CTNND2: variants seen among roughly 807,000 people sequenced by gnomAD.
CTNND2 encodes the protein catenin delta-2.
Under a neutral mutation model 144.4 loss-of-function variants are expected in CTNND2, and 22 were observed. The ratio of observed to expected loss-of-function variants is 0.15; its 90% CI spans 0.11 to 0.22. The LOEUF (loss-of-function observed/expected upper bound fraction) is 0.22. CTNND2 is among the 10% of genes least tolerant of loss of function. CTNND2 has a pLI of 1.00. For missense variants in CTNND2, 1,353 were observed against 1,618.8 expected (o/e 0.84, Z 2.82); for synonymous variants, 751 against 695.6 (o/e 1.08, Z -1.25).
intron 9 of CTNND2, among the ~76,000 whole-genome samples, chr5:11,286,175 C>T (rs924407619): frequency 6.6e-6 from 1 of 151,814 alleles, no homozygotes; most frequent in Non-Finnish European, 1.5e-5. Context: ...ATACTATGAA[C>T]TTCATATAAG....
intron 1 of CTNND2, among the ~76,000 whole-genome samples, chr5:11,839,161 G>A (rs188632254): frequency 2.0e-3 from 310 of 151,780 alleles, no homozygotes; most frequent in Non-Finnish European, 3.5e-3. Flanking sequence ...TAAGGACAGT[G>A]GTACAGATGG....
intron 18 of CTNND2, among the ~76,000 whole-genome samples, chr5:10,994,333 C>CGGGGGCCGGGGAAGGAGGAG (rs1739067630): frequency 5.5e-5 from 1 of 18,296 alleles, no homozygotes; most frequent in African/African-American, 2.5e-4. Flanking sequence ...GATGGAGGAG[C>CGGGGGCCGGGGAAGGAGGAG]GGGGGCCGGG....
chr5:11,490,986 TC>T (rs1432355647), intron 3 of CTNND2, among the ~76,000 whole-genome samples: 1 of 152,018 alleles, frequency 6.6e-6, no homozygotes, highest in African/African-American at 2.4e-5. Context: ...AGACCTTGTC[TC>T]AAAAAATAAA....
At chr5:11,525,400 TA>T (rs542232955) in intron 3 of CTNND2, among the ~76,000 whole-genome samples, 17 of 149,304 alleles carry the variant, frequency 1.1e-4, no homozygotes, top group South Asian at 2.1e-4. Flanking sequence ...ATTTTCAAAT[TA>T]AAAAAAAAAC....
rs79918030 is a variant in CTNND2, at chr5:11,485,996, G to C, written c.288-73927C>G. 3.9e-5 allele frequency among the ~76,000 whole-genome samples: 6 copies of C among 152,142 alleles called. No individual in the cohort carries two copies. The East Asian group carries it at 1.2e-3, about 29-fold the overall frequency. On this transcript the variant is annotated intron_variant, in intron 3 of 21. Coordinates refer to ENST00000304623, the MANE Select transcript of CTNND2 (RefSeq NM_001332.4). ...TTTGCAAAGTATATAATGAAGAGTT[G>C]ATAAAACATGGTATAAGAAGCCCTA...
intron 18 of CTNND2, among the ~76,000 whole-genome samples, chr5:10,996,622 C>T (rs1312603137): frequency 3.9e-5 from 6 of 152,050 alleles, no homozygotes; most frequent in African/African-American, 1.2e-4. Flanking sequence ...TCTTTTGAGA[C>T]AGAGTCTCGC....
chr5:11,526,619 T>C lies in CTNND2; in HGVS notation c.287+38325A>G, dbSNP rs79622203. On this transcript the variant is annotated intron_variant, in intron 3 of 21. Transcript: ENST00000304623. ...CTTCTAAACATGTCTAAGCATTTTG[T>C]TATGTATTAACACTTAATCCTCAGA... is the stretch of plus-strand genomic sequence containing the variant. Among the ~76,000 whole-genome samples the C allele has an allele frequency of 5.8e-3, 887 of 152,294 alleles. 11 individuals are homozygous for C. Among genetic ancestry groups the C allele is most frequent in the African/African-American group, 0.021 (852 of 41,554 alleles).
At chr5:11,098,996 C>A (rs998760562) in intron 14 of CTNND2, among the ~76,000 whole-genome samples, 2 of 151,976 alleles carry the variant, frequency 1.3e-5, no homozygotes, top group Non-Finnish European at 2.9e-5. Flanking sequence ...ATGTAACTGG[C>A]AGAAGAAGTG....
intron 2 of CTNND2, among the ~76,000 whole-genome samples, chr5:11,671,308 T>G (rs947732043): frequency 6.6e-6 from 1 of 152,156 alleles, no homozygotes; most frequent in African/African-American, 2.4e-5. Flanking sequence ...ATTTCCTGAA[T>G]TTGAATGTTG....
At chr5:11,758,084 A>C (rs979909156) in intron 1 of CTNND2, among the ~76,000 whole-genome samples, 1 of 152,026 alleles carries the variant, frequency 6.6e-6, no homozygotes, top group African/African-American at 2.4e-5. Flanking sequence ...AAAACAATAC[A>C]CATTAGTTTC....
At chr5:11,615,039 TTA>T (rs1277589655) in intron 2 of CTNND2, among the ~76,000 whole-genome samples, 1 of 152,236 alleles carries the variant, frequency 6.6e-6, no homozygotes, top group Non-Finnish European at 1.5e-5. Context: ...TTCAAACTAC[TTA>T]TGTTTCATAT....
At chr5:11,054,348 A>G (rs186233673) in intron 16 of CTNND2, among the ~76,000 whole-genome samples, 33 of 152,346 alleles carry the variant, frequency 2.2e-4, no homozygotes, top group African/African-American at 6.5e-4. Flanking sequence ...AGGCACAGAG[A>G]CAGAAAGTAA....
chr5:11,651,802 C>T lies in CTNND2; in HGVS notation c.174+80334G>A, dbSNP rs572751300. Reference sequence around the variant, plus strand: ...AGCCTCTTTGTTTTGGCTGATTTCTCCCTTTTGGAATAGGGGTCTTTACCC... The same window carrying T: ...AGCCTCTTTGTTTTGGCTGATTTCTTCCTTTTGGAATAGGGGTCTTTACCC... On this transcript the variant is annotated intron_variant, in intron 2 of 21. Coordinates refer to ENST00000304623, the MANE Select transcript of CTNND2 (RefSeq NM_001332.4). 7.8e-4 allele frequency among the ~76,000 whole-genome samples: 119 copies of T among 152,280 alleles called. 1 individual carries two copies. Among genetic ancestry groups the T allele is most frequent in the Non-Finnish European group, 1.4e-3 (92 of 68,006 alleles).
rs772508675 is a variant in CTNND2 at position 10,992,570 on chromosome 5, C to G, written c.3192G>C (p.Val1064=). The part of the protein sequence containing the change: ...SRTPSISPVR[V]SPNNRSASAP... ...TCTTACCTGAGCGGTTGTTGGGAGA[C>G]ACGCGCACAGGGGAGATGGAGGGCG... The change falls in exon 19 of 22, where the codon GTG becomes GTC. Residue 1064 remains valine (V), a synonymous_variant. Transcript: ENST00000304623. 5 of 1,613,944 alleles carry G rather than the reference C, an allele frequency of 3.1e-6. No individual in the cohort carries two copies. Among genetic ancestry groups the G allele is most frequent in the Non-Finnish European group, 4.2e-6 (5 of 1,180,034 alleles).
At chr5:11,299,074 G>T (rs551330963) in intron 9 of CTNND2, among the ~76,000 whole-genome samples, 2 of 152,186 alleles carry the variant, frequency 1.3e-5, no homozygotes, top group East Asian at 1.9e-4. Context: ...GCTATTTGGA[G>T]AACTATTTTA....
At chr5:11,104,362 T>TA (rs970862529) in intron 14 of CTNND2, among the ~76,000 whole-genome samples, 4 of 152,212 alleles carry the variant, frequency 2.6e-5, no homozygotes, top group African/African-American at 9.6e-5. Flanking sequence ...TCTAAGTAGG[T>TA]AAACTGTCAG....
chr5:11,206,036 A>G (rs1264739224), intron 10 of CTNND2, among the ~76,000 whole-genome samples: 1 of 152,244 alleles, frequency 6.6e-6, no homozygotes, highest in Non-Finnish European at 1.5e-5. Context: ...CAAAGTACTC[A>G]GTAAACATTA....
intron 20 of CTNND2, among the ~76,000 whole-genome samples, chr5:10,986,202 G>A (rs1737931569): frequency 6.6e-6 from 1 of 152,178 alleles, no homozygotes; most frequent in Admixed American, 6.5e-5. Flanking sequence ...TTTCTAAGAA[G>A]ATTAAATATC....
At chr5:11,265,692 TTCTC>T (rs1745361758) in intron 9 of CTNND2, among the ~76,000 whole-genome samples, 1 of 147,884 alleles carries the variant, frequency 6.8e-6, no homozygotes, top group Admixed American at 7.0e-5. Flanking sequence ...ACTGTATGTA[TTCTC>T]TATTTTTTTT....
Sources: gnomAD v4.1 joint callset for allele counts (sites outside exome capture counted in the v4.1 genomes callset) on GRCh38, gnomAD v4.1.1 for gene constraint, MANE v1.5 for transcripts, NCBI Gene and HGNC (gene_info 2026-07-23, HGNC 2026-07-21) for gene names.